Variants in ANO2 observed in about 807,000 individuals in gnomAD.
ANO2 encodes the protein anoctamin 2.
A neutral mutation model predicts 124.2 loss-of-function variants in ANO2; 101 were observed. That is an observed-to-expected ratio of 0.81 (90% CI 0.69 to 0.96). ANO2 has a LOEUF of 0.96. Ranked by LOEUF, ANO2 falls within the 40% of genes least tolerant of loss-of-function variation. ANO2 has a pLI of 0.00. For synonymous variants in ANO2, 486 were observed against 482.5 expected (o/e 1.01, Z -0.09); for missense variants, 1,293 against 1,274.5 (o/e 1.01, Z -0.22).
intron 4 of ANO2, among the ~76,000 whole-genome samples, chr12:5,845,655 A>G (rs1203867768): frequency 6.6e-6 from 1 of 152,100 alleles, no homozygotes; most frequent in East Asian, 1.9e-4. Flanking sequence ...AGACCACACT[A>G]TCCACTACCT....
intron 14 of ANO2, among the ~76,000 whole-genome samples, chr12:5,694,251 C>CAGACAGAG (rs1555137018): frequency 9.7e-5 from 13 of 133,876 alleles, no homozygotes; most frequent in African/African-American, 3.2e-4. Flanking sequence ...TTACCAGAGA[C>CAGACAGAG]AGAGAGAGAG....
intron 14 of ANO2, among the ~76,000 whole-genome samples, chr12:5,698,857 T>G (rs1049288185): frequency 2.0e-5 from 3 of 152,200 alleles, no homozygotes; most frequent in Admixed American, 6.5e-5. Flanking sequence ...TGATTGAAGA[T>G]CAAATGAATG....
intron 7 of ANO2, among the ~76,000 whole-genome samples, chr12:5,820,240 C>T (rs1953743275): frequency 6.6e-6 from 1 of 152,152 alleles, no homozygotes; most frequent in Non-Finnish European, 1.5e-5. Flanking sequence ...CCAAGGAGAC[C>T]TCCAGCCTTT....
chr12:5,849,702 T>C (rs75646923), intron 4 of ANO2, among the ~76,000 whole-genome samples: 7,662 of 152,214 alleles, frequency 0.05, 235 homozygotes, highest in African/African-American at 0.082. Context: ...GAGATCTCGA[T>C]TTTGTGATTT....
intron 23 of ANO2, 151 bp downstream of exon 23, chr12:5,575,683 A>G: frequency 1.1e-6 from 1 of 877,202 alleles, no homozygotes; most frequent in East Asian, 2.7e-5. Flanking sequence ...ATATGGTATT[A>G]TAATCTTACG....
At position 5,657,639 on chromosome 12, in the gene ANO2, G is replaced by A. The variant is rs565721224; in HGVS notation, c.1546-9838C>T. Among the ~76,000 whole-genome samples the A allele has an allele frequency of 2.6e-5, 4 of 152,170 alleles. No homozygotes were observed. The East Asian group carries it at 7.8e-4, about 30-fold the overall frequency. On this transcript the variant is annotated intron_variant, in intron 14 of 24. Coordinates refer to ENST00000682330, the MANE Select transcript of ANO2 (RefSeq NM_001364791.2). Reference sequence around the variant, plus strand: ...CCCAGGTGCTCCTGGGCTCAGGGAGGAGGTACAAGTGGCCATCTGGTCTCA... The same window carrying A: ...CCCAGGTGCTCCTGGGCTCAGGGAGAAGGTACAAGTGGCCATCTGGTCTCA...
chr12:5,805,052 G>C (rs937701195), intron 9 of ANO2, among the ~76,000 whole-genome samples: 2 of 152,120 alleles, frequency 1.3e-5, no homozygotes, highest in African/African-American at 4.8e-5. Flanking sequence ...GAGACTATTA[G>C]CATCGGATAG....
At chr12:5,727,640 T>C (rs1395216423) in intron 14 of ANO2, among the ~76,000 whole-genome samples, 1 of 146,298 alleles carries the variant, frequency 6.8e-6, no homozygotes, top group Non-Finnish European at 1.5e-5. Context: ...ACTTCCTTTT[T>C]TTTTTTTTTT....
rs908234080 is a variant in ANO2, at chr12:5,636,748, G to A, written c.1621-1401C>T. Among the ~76,000 whole-genome samples, 2 of 152,050 alleles carry A rather than the reference G, an allele frequency of 1.3e-5. No individual in the cohort carries two copies. The highest frequency in any genetic ancestry group is 2.9e-5 in the Non-Finnish European group (2 of 68,000). On this transcript the variant is annotated intron_variant, in intron 15 of 24. Transcript: ENST00000682330. The surrounding 1 kb of genome is among the most constrained non-coding windows in gnomAD (Gnocchi z 4.6). ...GAAGTGGGGGCCTCTGGCTTGGGCA[G>A]TGCTTTGCAAGCAGTGTGAATGACA... is the stretch of plus-strand genomic sequence containing the variant.
At chr12:5,566,009 C>T (rs1453420485) in intron 23 of ANO2, among the ~76,000 whole-genome samples, 1 of 152,216 alleles carries the variant, frequency 6.6e-6, no homozygotes, top group African/African-American at 2.4e-5. Context: ...GGGCCTCCCA[C>T]TAGCCTGTGG....
chr12:5,772,310 C>A (rs1387400777), intron 10 of ANO2, among the ~76,000 whole-genome samples: 1 of 152,168 alleles, frequency 6.6e-6, no homozygotes, highest in Non-Finnish European at 1.5e-5. Flanking sequence ...GTTATTACAT[C>A]AATTACATCC....
intron 24 of ANO2, 134 bp from the exon 25 acceptor site, chr12:5,563,702 T>C (rs1427648002): frequency 3.3e-5 from 39 of 1,172,750 alleles, no homozygotes; most frequent in Non-Finnish European, 4.2e-5. Context: ...CCAGTGAGCA[T>C]AACTCTACCT....
rs542254142 is a variant in ANO2 at position 5,938,121 on chromosome 12, A to G, written c.22+7075T>C. Reference sequence around the variant, plus strand: ...CCAAGGACTCACGAAGGGTCCCCAAAGAGCCCTCTGGGCACCTCCTTTCAC... The same window carrying G: ...CCAAGGACTCACGAAGGGTCCCCAAGGAGCCCTCTGGGCACCTCCTTTCAC... On this transcript the variant is annotated intron_variant, in intron 1 of 24. Transcript: ENST00000682330. Among the ~76,000 whole-genome samples, 6 of 152,286 alleles carry G rather than the reference A, an allele frequency of 3.9e-5. No individual in the cohort carries two copies. The South Asian group carries it at 1.0e-3, about 26-fold the overall frequency.
At chr12:5,910,773 A>G (rs2136291688) in intron 3 of ANO2, among the ~76,000 whole-genome samples, 1 of 152,228 alleles carries the variant, frequency 6.6e-6, no homozygotes, top group South Asian at 2.1e-4. Context: ...GAGGACACTT[A>G]AGGCTGAAGT....
At position 5,771,119 on chromosome 12, in the gene ANO2, C is replaced by G. The variant is rs796294592; in HGVS notation, c.1056-20149G>C. Among the ~76,000 whole-genome samples, 3 of 152,224 alleles carry G rather than the reference C, an allele frequency of 2.0e-5. No individual in the cohort carries two copies. The East Asian group carries it at 5.8e-4, about 29-fold the overall frequency. On this transcript the variant is annotated intron_variant, in intron 10 of 24. Coordinates refer to ENST00000682330, the MANE Select transcript of ANO2 (RefSeq NM_001364791.2). Reference sequence around the variant, plus strand: ...CATGAGAGCAGAGACTTGTTCTGCCCTGTTCACTGTTGTATTCTTAGTGCC... The same window carrying G: ...CATGAGAGCAGAGACTTGTTCTGCCGTGTTCACTGTTGTATTCTTAGTGCC...
chr12:5,803,899 C>G (rs925421566), intron 9 of ANO2, among the ~76,000 whole-genome samples: 2 of 152,196 alleles, frequency 1.3e-5, no homozygotes, highest in Admixed American at 1.3e-4. Context: ...TAGAATCTGC[C>G]TGCAATGAGC....
intron 4 of ANO2, 64 bp downstream of exon 4, chr12:5,853,979 C>G: frequency 7.2e-7 from 1 of 1,384,996 alleles, no homozygotes. Context: ...TGGCCCTATT[C>G]CCAAATTATT....
At chr12:5,791,699 T>C (rs1006770593) in intron 10 of ANO2, among the ~76,000 whole-genome samples, 13 of 152,160 alleles carry the variant, frequency 8.5e-5, no homozygotes, top group African/African-American at 3.1e-4. Context: ...CTGAACTCAG[T>C]CTCCTTGCCT....
chr12:5,571,631 A>G (rs964363601), intron 23 of ANO2, among the ~76,000 whole-genome samples: 9 of 152,142 alleles, frequency 5.9e-5, no homozygotes, highest in Non-Finnish European at 1.3e-4. Context: ...GACTAGCTGA[A>G]GAGTTATCTC....
Sources: gnomAD v4.1 joint callset for allele counts (sites outside exome capture counted in the v4.1 genomes callset) on GRCh38, gnomAD v4.1.1 for gene constraint, Gnocchi (gnomAD v3.1) non-coding constraint, MANE v1.5 for transcripts, NCBI Gene and HGNC (gene_info 2026-07-23, HGNC 2026-07-21) for gene names.